ZC3H6: variants seen among roughly 807,000 people sequenced by gnomAD.
ZC3H6 encodes the protein zinc finger CCCH-type containing 6.
In ZC3H6, 40 loss-of-function variants were observed where a neutral mutation model predicts 107.7. The observed-to-expected ratio is 0.37, with a 90% CI of 0.29 to 0.48. ZC3H6 has a LOEUF of 0.48. ZC3H6 is among the 20% of genes least tolerant of loss of function. The pLI, the probability that ZC3H6 is intolerant of heterozygous loss-of-function variation, is 0.98. For synonymous variants in ZC3H6, 493 were observed against 487.9 expected (o/e 1.01, Z -0.14); for missense variants, 1,267 against 1,410.4 (o/e 0.90, Z 1.63).
rs532283491 is a variant in ZC3H6, at chr2:112,281,979, A to G, written c.32+5953A>G. ...CAAACTGGTGGGCTTCAGGCCTAAA[A>G]TCTGCCTATACTGTTGTTTTTGCCT... is the stretch of plus-strand genomic sequence containing the variant. On this transcript the variant is annotated intron_variant, in intron 1 of 11. Coordinates refer to ENST00000409871, the MANE Select transcript of ZC3H6 (RefSeq NM_198581.3). 2.0e-5 allele frequency among the ~76,000 whole-genome samples: 3 copies of G among 152,250 alleles called. No homozygotes were observed. In the South Asian group the frequency reaches 6.2e-4, roughly 32 times the overall value.
intron 1 of ZC3H6, among the ~76,000 whole-genome samples, chr2:112,285,271 AACAT>A (rs1686586133): frequency 1.3e-5 from 2 of 152,300 alleles, no homozygotes; most frequent in African/African-American, 4.8e-5. Context: ...AGAAAATTTT[AACAT>A]ACAAAGTGAC....
At position 112,278,411 on chromosome 2, in the gene ZC3H6, G is replaced by A. The variant is rs142593348; in HGVS notation, c.32+2385G>A. Among the ~76,000 whole-genome samples the A allele has an allele frequency of 3.3e-3, 495 of 152,262 alleles. 6 individuals are homozygous for A. Among genetic ancestry groups the A allele is most frequent in the African/African-American group, 0.011 (476 of 41,548 alleles). ...CAGCTCACTGCAAGCTCCACTTCCC[G>A]CCTTCACACCATTCTCCTGCCTCAG... On this transcript the variant is annotated intron_variant, in intron 1 of 11. Transcript: ENST00000409871.
In ZC3H6 at chr2:112,310,008, G is replaced by A; in HGVS notation, c.460G>A (p.Asp154Asn). The A allele has an allele frequency of 6.2e-7, 1 of 1,613,642 alleles. No homozygotes were observed. The highest frequency in any genetic ancestry group is 8.5e-7 in the Non-Finnish European group (1 of 1,179,752). The change falls in exon 4 of 12, where the codon GAC (aspartate) becomes AAC (asparagine). Residue 154 changes from aspartate (D) to asparagine (N), a missense_variant. This residue lies in a region of ZC3H6 where 337 missense variants were observed against 361.2 expected (regional missense o/e 0.93). Transcript: ENST00000409871. ...SDDNFGNYSD[D>N]NFGNYGQETE... Reference sequence around the variant, plus strand: ...TGACAACTTCGGTAACTACAGTGATGACAACTTTGGTAACTACGGTCAGGA... The same window carrying A: ...TGACAACTTCGGTAACTACAGTGATAACAACTTTGGTAACTACGGTCAGGA...
At chr2:112,277,913 TTTTTTC>T (rs1308140386) in intron 1 of ZC3H6, among the ~76,000 whole-genome samples, 2 of 152,166 alleles carry the variant, frequency 1.3e-5, no homozygotes, top group Non-Finnish European at 2.9e-5. Context: ...CTGGGGAACT[TTTTTTC>T]TTTAAAGTAT....
chr2:112,297,958 T>C (rs1029651166), intron 1 of ZC3H6, among the ~76,000 whole-genome samples: 1 of 152,006 alleles, frequency 6.6e-6, no homozygotes, highest in Non-Finnish European at 1.5e-5. Context: ...TCCGTAAAAA[T>C]ACAAAAATTA....
At chr2:112,276,823 G>GTA (rs2104687855) in intron 1 of ZC3H6, among the ~76,000 whole-genome samples, 1 of 152,094 alleles carries the variant, frequency 6.6e-6, no homozygotes, top group South Asian at 2.1e-4. Context: ...ATTTTCATTC[G>GTA]TATATATCTT....
intron 1 of ZC3H6, among the ~76,000 whole-genome samples, chr2:112,295,498 G>A (rs944896196): frequency 3.3e-5 from 5 of 152,198 alleles, no homozygotes; most frequent in Non-Finnish European, 7.4e-5. Flanking sequence ...AATTAAGAAA[G>A]CTTTATTTTA....
rs1677118380 is a variant in ZC3H6, at chr2:112,335,187, T to A, written c.*2699T>A. 1.3e-5 allele frequency: 2 copies of A among 152,330 alleles called. No individual in the cohort carries two copies. Among genetic ancestry groups the A allele is most frequent in the Admixed American group, 1.3e-4 (2 of 15,298 alleles). 9.4% of individuals were successfully genotyped at this position (152,330 alleles called of 1,614,324 possible). ...CAGATGTTGGAGTGATTTCAAACTCTATTTCAACAATTGGGTCTGTTTCTA... is the reference window on the plus strand; with the variant it reads ...CAGATGTTGGAGTGATTTCAAACTCAATTTCAACAATTGGGTCTGTTTCTA... On this transcript the variant is annotated 3_prime_UTR_variant, in exon 12 of 12. Transcript: ENST00000409871.
chr2:112,295,124 G>A (rs558424531), intron 1 of ZC3H6, among the ~76,000 whole-genome samples: 1 of 151,846 alleles, frequency 6.6e-6, no homozygotes, highest in African/African-American at 2.4e-5. Flanking sequence ...AATCTACTTT[G>A]TATCTGTATA....
chr2:112,310,285 ATTTTC>A, intron 4 of ZC3H6, 124 bp downstream of exon 4: 1 of 930,820 alleles, frequency 1.1e-6, no homozygotes, highest in South Asian at 1.8e-5. Flanking sequence ...ACCTAAATTC[ATTTTC>A]TTTTATTTTG....
chr2:112,318,022 C>T (rs1276952207), intron 7 of ZC3H6, among the ~76,000 whole-genome samples: 1 of 152,158 alleles, frequency 6.6e-6, no homozygotes, highest in Non-Finnish European at 1.5e-5. Context: ...TGTTCACCCT[C>T]ATGTCTGTCT....
intron 7 of ZC3H6, among the ~76,000 whole-genome samples, chr2:112,318,697 G>C (rs1558954871): frequency 6.6e-6 from 1 of 152,162 alleles, no homozygotes. Context: ...CTATGGAGGA[G>C]AGCTTGGTAA....
At chr2:112,304,132 TTTG>T (rs1250020061) in intron 3 of ZC3H6, among the ~76,000 whole-genome samples, 1 of 152,236 alleles carries the variant, frequency 6.6e-6, no homozygotes, top group African/African-American at 2.4e-5. Context: ...GTTTTTTTTC[TTTG>T]TTTTCTTTTG....
intron 1 of ZC3H6, among the ~76,000 whole-genome samples, chr2:112,295,915 A>G (rs896579857): frequency 6.6e-6 from 1 of 152,146 alleles, no homozygotes; most frequent in African/African-American, 2.4e-5. Context: ...TAAAATGCTA[A>G]ATATGAAGCA....
chr2:112,304,070 T>C (rs1460856722), intron 3 of ZC3H6, among the ~76,000 whole-genome samples: 1 of 152,230 alleles, frequency 6.6e-6, no homozygotes, highest in Non-Finnish European at 1.5e-5. Context: ...ACATTTACAT[T>C]ATTTACATAA....
chr2:112,291,570 TACAAAC>T (rs1426475683), intron 1 of ZC3H6, among the ~76,000 whole-genome samples: 1 of 152,204 alleles, frequency 6.6e-6, no homozygotes, highest in African/African-American at 2.4e-5. Context: ...TAAGGAATAA[TACAAAC>T]ACAACCAGAG....
intron 1 of ZC3H6, 105 bp downstream of exon 1, chr2:112,276,131 G>C (rs1387993074): frequency 2.0e-6 from 2 of 980,828 alleles, no homozygotes; most frequent in Non-Finnish European, 3.0e-6. Context: ...AGACGTCTCT[G>C]TGTGGCTCCG....
chr2:112,299,769 TA>T, intron 1 of ZC3H6, 79 bp from the exon 2 acceptor site: 1 of 1,127,784 alleles, frequency 8.9e-7, no homozygotes, highest in African/African-American at 1.6e-5. Context: ...ATCCTTGGCA[TA>T]TGCTTTTTTT....
rs150205831 is a variant in ZC3H6, at chr2:112,324,832, A to G, written c.1853-132A>G. The G allele has an allele frequency of 2.7e-6, 3 of 1,129,620 alleles. No individual in the cohort carries two copies. In the East Asian group the frequency reaches 7.8e-5, roughly 29 times the overall value. 70.0% of individuals were successfully genotyped at this position (1,129,620 alleles called of 1,614,324 possible). ...AACTTTTGAAACAATAGAATTTTAG[A>G]TAACTTTTAGAAATATTTTAAATGA... On this transcript the variant is annotated intron_variant, in intron 10 of 11. Coordinates refer to ENST00000409871, the MANE Select transcript of ZC3H6 (RefSeq NM_198581.3).
Sources: gnomAD v4.1 joint callset for allele counts (sites outside exome capture counted in the v4.1 genomes callset) on GRCh38, gnomAD v4.1.1 for gene constraint, gnomAD v4.1.1 regional missense constraint, MANE v1.5 for transcripts, NCBI Gene and HGNC (gene_info 2026-07-23, HGNC 2026-07-21) for gene names.